GSPT1: variants seen among roughly 807,000 people sequenced by gnomAD.
GSPT1 encodes eukaryotic peptide chain release factor GTP-binding subunit ERF3A.
A neutral mutation model predicts 72.5 loss-of-function variants in GSPT1; 20 were observed. The ratio of observed to expected loss-of-function variants is 0.28; its 90% confidence interval spans 0.19 to 0.40. The LOEUF (loss-of-function observed/expected upper bound fraction) is 0.40. GSPT1 is among the 10% of genes least tolerant of loss of function. GSPT1 has a pLI of 1.00. For missense variants in GSPT1, 580 were observed against 811.9 expected, an observed-to-expected ratio of 0.71 and a Z score of 3.47; for synonymous variants, 334 against 293.5, an observed-to-expected ratio of 1.14 and a Z score of -1.41.
intron 6 of GSPT1, 43 bp from the exon 7 acceptor site, chr16:11,887,793 CAG>C: frequency 7.5e-7 from 1 of 1,329,182 alleles, no homozygotes; most frequent in East Asian, 2.3e-5. Flanking sequence ...CTAAGAACAT[CAG>C]AGTTTTTAGG....
intron 5 of GSPT1, among the ~76,000 whole-genome samples, chr16:11,893,637 C>A (rs369203881): frequency 6.6e-6 from 1 of 152,156 alleles, no homozygotes; most frequent in Admixed American, 6.5e-5. Flanking sequence ...GTGTTCTCCA[C>A]GTAGACATCT....
chr16:11,915,868 G>T lies in GSPT1; in HGVS notation c.-148C>A, dbSNP rs780470722. 4.0e-6 allele frequency: 5 copies of T among 1,244,540 alleles called. No individual in the cohort carries two copies. Among genetic ancestry groups the T allele is most frequent in the Middle Eastern group, 1.9e-4 (1 of 5,260 alleles). The allele number at this position is 1,244,540 out of a possible 1,614,324, so 77.1% of individuals were successfully genotyped here. A position where few individuals can be genotyped will look rare whatever the true frequency, so the allele number is the denominator to read the frequency against. On this transcript the variant is annotated 5_prime_UTR_variant, in exon 1 of 15. Transcript: ENST00000434724. ...CGACAAAGATCCCCGGCGTCGCCGC[G>T]GCAGCAGCTCCAGTCCCGACTCCAC...
chr16:11,887,381 G>A (rs544251720), intron 7 of GSPT1, among the ~76,000 whole-genome samples, 189 bp downstream of exon 7: 2 of 152,206 alleles, frequency 1.3e-5, no homozygotes, highest in African/African-American at 4.8e-5. Flanking sequence ...AAGGTGAAAC[G>A]TATTTTCAGA....
intron 6 of GSPT1, among the ~76,000 whole-genome samples, chr16:11,889,265 G>A (rs910119310): frequency 1.3e-5 from 2 of 149,458 alleles, no homozygotes; most frequent in African/African-American, 4.9e-5. Context: ...TGGAGATGGA[G>A]CCACTACACT....
chr16:11,880,021 C>G (rs1021640907), intron 11 of GSPT1, among the ~76,000 whole-genome samples: 1 of 152,174 alleles, frequency 6.6e-6, no homozygotes, highest in African/African-American at 2.4e-5. Flanking sequence ...CGAACCCTGG[C>G]AACCACCATC....
intron 3 of GSPT1, 133 bp from the exon 4 acceptor site, chr16:11,896,918 C>G: frequency 1.5e-6 from 1 of 647,480 alleles, no homozygotes; most frequent in Admixed American, 2.8e-5. Flanking sequence ...GACACATAAG[C>G]AGGAAAACCT....
intron 1 of GSPT1, among the ~76,000 whole-genome samples, chr16:11,901,288 C>A (rs2150881585): frequency 6.6e-6 from 1 of 152,264 alleles, no homozygotes; most frequent in Admixed American, 6.5e-5. Flanking sequence ...TACTAATGAG[C>A]CTGGGCTTAG....
intron 1 of GSPT1, among the ~76,000 whole-genome samples, chr16:11,911,160 C>T (rs1437678756): frequency 6.6e-6 from 1 of 152,186 alleles, no homozygotes; most frequent in African/African-American, 2.4e-5. Flanking sequence ...AGAATCTTAC[C>T]TATTATCTAC....
chr16:11,880,728 G>C (rs1374265845), intron 11 of GSPT1, among the ~76,000 whole-genome samples: 1 of 152,144 alleles, frequency 6.6e-6, no homozygotes, highest in Non-Finnish European at 1.5e-5. Context: ...AATGTCTATT[G>C]CAGTCCTTTG....
chr16:11,873,712 T>C (rs1013466742), intron 14 of GSPT1, among the ~76,000 whole-genome samples: 5 of 151,994 alleles, frequency 3.3e-5, no homozygotes, highest in African/African-American at 1.2e-4. Context: ...CTCAGCCTCC[T>C]GAGTAGCTGG....
At chr16:11,892,510 A>AAAAAAAAAAATAAT (rs1378111182) in intron 5 of GSPT1, among the ~76,000 whole-genome samples, 1 of 133,968 alleles carries the variant, frequency 7.5e-6, no homozygotes, top group African/African-American at 2.9e-5. Context: ...CTTTCTCAAA[A>AAAAAAAAAAATAAT]AAACAAAAAA....
chr16:11,906,526 T>C (rs1407483088), intron 1 of GSPT1, among the ~76,000 whole-genome samples: 1 of 152,000 alleles, frequency 6.6e-6, no homozygotes, highest in Non-Finnish European at 1.5e-5. Flanking sequence ...CCCAGCTATT[T>C]AGGAGGCTGA....
At chr16:11,884,824 T>C (rs2054167258) in intron 10 of GSPT1, among the ~76,000 whole-genome samples, 2 of 148,892 alleles carry the variant, frequency 1.3e-5, no homozygotes, top group South Asian at 4.2e-4. Flanking sequence ...CCCAGCACCT[T>C]GGGGGAGGCC....
chr16:11,879,393 C>CAA (rs1420335600), intron 11 of GSPT1, among the ~76,000 whole-genome samples: 20 of 140,978 alleles, frequency 1.4e-4, no homozygotes, highest in African/African-American at 5.0e-4. Context: ...GACTCCGTCT[C>CAA]AAAAAAAAAA....
chr16:11,915,339 C>T, intron 1 of GSPT1, 30 bp downstream of exon 1: 1 of 1,436,184 alleles, frequency 7.0e-7, no homozygotes, highest in Admixed American at 3.4e-5. Flanking sequence ...GGCGCCCGGC[C>T]GGACTTCCTC....
chr16:11,873,405 C>A (rs28516422), intron 14 of GSPT1, among the ~76,000 whole-genome samples: 5 of 151,944 alleles, frequency 3.3e-5, no homozygotes, highest in African/African-American at 4.8e-5. Context: ...TCCCCCCGTA[C>A]CCCCCAAACA....
intron 1 of GSPT1, among the ~76,000 whole-genome samples, chr16:11,898,957 C>A (rs750284144): frequency 2.0e-5 from 3 of 152,140 alleles, no homozygotes; most frequent in African/African-American, 7.2e-5. Context: ...CCAGTTGCCA[C>A]ACTGCAAATT....
At chr16:11,890,717 C>T (rs1291892113) in intron 6 of GSPT1, 1 of 169,138 alleles carries the variant, frequency 5.9e-6, no homozygotes, top group Non-Finnish European at 1.3e-5. Flanking sequence ...AGGGATGTTT[C>T]CTGCTTCCCC....
In GSPT1 at chr16:11,915,934, C is replaced by A. The variant is rs763291550; in HGVS notation, c.-214G>T. On this transcript the variant is annotated 5_prime_UTR_variant, in exon 1 of 15. Coordinates refer to ENST00000434724, the MANE Select transcript of GSPT1 (RefSeq NM_002094.4). ...AGAGGCGGCGGCGGCGGCAGCTCAA[C>A]CCTCCTCCTCGTGTGTGTGAGCGGA... 5 of 754,922 alleles carry A rather than the reference C, an allele frequency of 6.6e-6. No homozygotes were observed. Among genetic ancestry groups the A allele is most frequent in the South Asian group, 5.4e-5 (4 of 73,958 alleles). The allele number at this position is 754,922 out of a possible 1,614,324, so 46.8% of individuals were successfully genotyped here. A position where few individuals can be genotyped will look rare whatever the true frequency, so the allele number is the denominator to read the frequency against.
Sources: allele counts gnomAD v4.1 joint callset (sites outside exome capture counted in the v4.1 genomes callset), GRCh38; gene constraint gnomAD v4.1.1; transcripts MANE v1.5; gene names NCBI Gene and HGNC (gene_info 2026-07-23, HGNC 2026-07-21).